Variants in TTN observed in about 807,000 individuals in gnomAD.
The protein encoded by TTN is titin, also known as connectin.
Under a neutral mutation model 3,223.0 loss-of-function variants are expected in TTN, and 1,525 were observed. The observed-to-expected ratio is 0.47, with a 90% CI of 0.45 to 0.49. The LOEUF is 0.49. Ranked by LOEUF, TTN falls within the 20% of genes least tolerant of loss-of-function variation. TTN has a pLI of 0.00. For synonymous variants in TTN, 14,094 were observed against 15,161.0 expected (o/e 0.93, Z 5.17); for missense variants, 40,786 against 43,424.0 (o/e 0.94, Z 5.40).
intron 47 of TTN, chr2:178,752,152 A>G (rs952118795): frequency 8.6e-6 from 8 of 930,782 alleles, no homozygotes; most frequent in Non-Finnish European, 1.1e-5. Flanking sequence ...GATCTCACAA[A>G]TCCATAGAAA....
chr2:178,552,623 G>A lies in TTN; in HGVS notation c.90277C>T (p.Leu30093Phe). The A allele has an allele frequency of 6.2e-7, 1 of 1,613,904 alleles. No homozygotes were observed. The highest frequency in any genetic ancestry group is 8.5e-7 in the Non-Finnish European group (1 of 1,179,836). ...AACTCCAGGACTGACTGCTCCTTAA[G>A]TTGGCTAACCTCAATTTCACATGTC... ...SKTCEIEVSQ[L>F]KEQSVLEFRV... The change falls in exon 335 of 363, where the codon CTT becomes TTT. Residue 30093 changes from leucine (L) to phenylalanine (F), a missense_variant. Coordinates refer to ENST00000589042, the MANE Select transcript of TTN (RefSeq NM_001267550.2).
Position 178,591,263 on chromosome 2 carries a change from G to C in TTN, c.60462C>G (p.Ser20154=), listed in dbSNP as rs371432689. ...RDTGEYQITV[S]NAAGSKTVAV... is the part of the protein sequence containing the mutation. ...CTACTGTTTTGCTACCGGCTGCATT[G>C]GAAACTGTGATTTGATATTCCCCAG... Residue 20154 remains serine, a synonymous_variant, in exon 304 of 363, where the codon TCC becomes TCG. Coordinates refer to ENST00000589042, the MANE Select transcript of TTN (RefSeq NM_001267550.2). 6.2e-6 allele frequency: 10 copies of C among 1,613,192 alleles called. No individual in the cohort carries two copies. The highest frequency in any genetic ancestry group is 8.5e-6 in the Non-Finnish European group (10 of 1,179,496).
intron 1 of TTN, among the ~76,000 whole-genome samples, chr2:178,805,948 T>A (rs942350716): frequency 6.6e-6 from 1 of 152,244 alleles, no homozygotes; most frequent in African/African-American, 2.4e-5. Flanking sequence ...AATTTTCTGA[T>A]GCATAAATAC....
At chr2:178,691,692 GT>G (rs1469166565) in intron 121 of TTN, among the ~76,000 whole-genome samples, 7 of 152,128 alleles carry the variant, frequency 4.6e-5, no homozygotes, top group Non-Finnish European at 8.8e-5. Flanking sequence ...AGGATGAAAG[GT>G]TTTTTCCTAG....
In TTN at chr2:178,665,763, A is replaced by C; in HGVS notation, c.35904T>G (p.Pro11968=). The C allele has an allele frequency of 7.7e-7, 1 of 1,301,968 alleles. No homozygotes were observed. Among genetic ancestry groups the C allele is most frequent in the African/African-American group, 1.5e-5 (1 of 66,580 alleles). 80.7% of individuals were successfully genotyped at this position (1,301,968 alleles called of 1,614,324 possible). Residue 11968 remains proline (P), a synonymous_variant, in exon 164 of 363, where the codon CCT becomes CCG. Coordinates refer to ENST00000589042, the MANE Select transcript of TTN (RefSeq NM_001267550.2). ...GAGCAGCCATGGGTGTTTCCTTTACAGGGACAATTTCTCGAGGTGATTCAG... is the reference window on the plus strand; with the variant it reads ...GAGCAGCCATGGGTGTTTCCTTTACCGGGACAATTTCTCGAGGTGATTCAG... ...TVPESPREIV[P]VKETPMAAPL...
chr2:178,774,841 A>G, intron 29 of TTN, 80 bp downstream of exon 29: 1 of 1,540,514 alleles, frequency 6.5e-7, no homozygotes, highest in Non-Finnish European at 8.9e-7. Context: ...ATGAAAGAAA[A>G]ATTGCATAGC....
Position 178,584,394 on chromosome 2 carries a change from A to G in TTN, c.65157T>C (p.Tyr21719=). ...ANDTLVRSTE[Y]PCAGLVEGLE... The stretch of plus-strand genomic sequence containing the variant: ...GACCTTCTACAAGGCCAGCACAAGG[A>G]TATTCAGTTGACCGGACAAGAGTAT... The change falls in exon 311 of 363, where the codon TAT becomes TAC. Residue 21719 remains tyrosine, a synonymous_variant. Coordinates refer to ENST00000589042, the MANE Select transcript of TTN (RefSeq NM_001267550.2). 6.2e-7 allele frequency: 1 copy of G among 1,613,356 alleles called. No homozygotes were observed. The highest frequency in any genetic ancestry group is 1.1e-5 in the South Asian group (1 of 91,050).
rs142498894 is a variant in TTN at position 178,721,403 on chromosome 2, T to G, written c.22817-201A>C. 2.8e-3 allele frequency among the ~76,000 whole-genome samples: 431 copies of G among 152,052 alleles called. 2 individuals carry two copies. The highest frequency in any genetic ancestry group is 9.8e-3 in the African/African-American group (408 of 41,542). On this transcript the variant is annotated intron_variant, in intron 78 of 362. Coordinates refer to ENST00000589042, the MANE Select transcript of TTN (RefSeq NM_001267550.2). ...CATTTTTTTTTTAGTTTTTTAAAATTTATTATTATTATACTTTAAGTTTTA... is the reference window on the plus strand; with the variant it reads ...CATTTTTTTTTTAGTTTTTTAAAATGTATTATTATTATACTTTAAGTTTTA...
In TTN at chr2:178,712,493, A is replaced by T. The variant is rs753291492; in HGVS notation, c.27429T>A (p.Val9143=). 1.2e-6 allele frequency: 2 copies of T among 1,613,804 alleles called. No homozygotes were observed. Among genetic ancestry groups the T allele is most frequent in the East Asian group, 2.2e-5 (1 of 44,866 alleles). The change falls in exon 95 of 363, where the codon GTT becomes GTA. Residue 9143 remains valine, a synonymous_variant. Transcript: ENST00000589042. The part of the protein sequence containing the change: ...GTFTGTPPIS[V]TWKKNGINVT... ...CATTTATGCCATTTTTCTTCCAGGT[A>T]ACCGAAATGGGAGGAGTTCCAGTGA...
rs1349893320 is a variant in TTN at position 178,568,172 on chromosome 2, G to A, written c.77960C>T (p.Pro25987Leu). ...ACCTGGAGGGCCTGGTTCTTTGTAG[G>A]GATATTGAGCTACAATTGGATCAGA... ...LESDPIVAQY[P>L]YKEPGPPGTP... The change falls in exon 326 of 363, where the codon CCC becomes CTC. Residue 25987 changes from proline to leucine, a missense_variant. By Grantham distance (98) the Pro-to-Leu change is moderately conservative (BLOSUM62 -3). Transcript: ENST00000589042. 1 of 1,613,414 alleles carries A rather than the reference G, an allele frequency of 6.2e-7. No individual in the cohort carries two copies. The highest frequency in any genetic ancestry group is 8.5e-7 in the Non-Finnish European group (1 of 1,179,566).
chr2:178,735,509 A>C lies in TTN; in HGVS notation c.14935+2T>G. 1.3e-6 allele frequency: 2 copies of C among 1,559,616 alleles called. No homozygotes were observed. The highest frequency in any genetic ancestry group is 1.3e-5 in the South Asian group (1 of 79,556). ...TAGAAAATACATTCACACGTTTCTT[A>C]CCTCTGACAGTGACTGTGGCTGAGC... On this transcript the variant is annotated splice_donor_variant, in intron 50 of 362. Transcript: ENST00000589042. LOFTEE classifies it high-confidence loss of function.
At position 178,557,239 on chromosome 2, in the gene TTN, T is replaced by C; in HGVS notation, c.88009+14A>G. 1 of 1,613,794 alleles carries C rather than the reference T, an allele frequency of 6.2e-7. No homozygotes were observed. The highest frequency in any genetic ancestry group is 2.2e-5 in the East Asian group (1 of 44,768). ...TTTGTTATCAGAACTGCCCTTCCCATGACAAATACGTACCACAAGCATCAA... is the reference window on the plus strand; with the variant it reads ...TTTGTTATCAGAACTGCCCTTCCCACGACAAATACGTACCACAAGCATCAA... On this transcript the variant is annotated intron_variant, in intron 329 of 362. Transcript: ENST00000589042.
intron 47 of TTN, chr2:178,746,579 G>A (rs749854145): frequency 6.2e-7 from 1 of 1,613,114 alleles, no homozygotes; most frequent in South Asian, 1.1e-5. Context: ...TTCTTCCTGG[G>A]GCATTATGTC....
chr2:178,724,219 G>C, intron 72 of TTN, 41 bp downstream of exon 72: 1 of 1,586,196 alleles, frequency 6.3e-7, no homozygotes, highest in Non-Finnish European at 8.6e-7. Flanking sequence ...ACTTGTAAAA[G>C]GAATTTGCAT....
intron 215 of TTN, 59 bp from the exon 216 acceptor site, chr2:178,646,618 C>T: frequency 9.9e-7 from 1 of 1,006,424 alleles, no homozygotes; most frequent in South Asian, 1.5e-5. Flanking sequence ...CAAAAAGACT[C>T]ATACAAATTT....
chr2:178,739,142 T>G lies in TTN; in HGVS notation c.14091A>C (p.Arg4697Ser). 6.7e-7 allele frequency: 1 copy of G among 1,503,192 alleles called. No individual in the cohort carries two copies. Among genetic ancestry groups the G allele is most frequent in the Non-Finnish European group, 8.9e-7 (1 of 1,127,594 alleles). The allele number at this position is 1,503,192 out of a possible 1,614,324, so 93.1% of individuals were successfully genotyped here. Residue 4697 changes from arginine to serine, a missense_variant and splice_region_variant, in exon 48 of 363, where the codon AGA becomes AGC. Coordinates refer to ENST00000589042, the MANE Select transcript of TTN (RefSeq NM_001267550.2). ...ATSAKLTVVK[R>S]AAPVIKRKIE... is the part of the protein sequence containing the mutation. ...TCTATTTTATCCTTAAAATCCAACC[T>G]CTTTTTACTACAGTGAGTTTGGCTG...
chr2:178,775,227 A>G (rs2092082537), intron 28 of TTN, 25 bp from the exon 29 acceptor site: 3 of 1,613,326 alleles, frequency 1.9e-6, no homozygotes, highest in Non-Finnish European at 2.5e-6. Context: ...TGGGGGAAAA[A>G]GGGGAGAGCA....
intron 109 of TTN, 74 bp from the exon 110 acceptor site, chr2:178,701,661 T>C: frequency 7.0e-7 from 1 of 1,423,852 alleles, no homozygotes; most frequent in Non-Finnish European, 9.9e-7. Context: ...GTGTGTTTGA[T>C]TTATTAGATC....
At chr2:178,800,277 A>G (rs540987377) in intron 4 of TTN, 118 bp downstream of exon 4, 3 of 1,374,288 alleles carry the variant, frequency 2.2e-6, no homozygotes, top group East Asian at 2.3e-5. Flanking sequence ...GCCAGCTTTT[A>G]TATCAGCTCA....
Sources: allele counts gnomAD v4.1 joint callset (sites outside exome capture counted in the v4.1 genomes callset), GRCh38; gene constraint gnomAD v4.1.1; transcripts MANE v1.5; gene names NCBI Gene and HGNC (gene_info 2026-07-23, HGNC 2026-07-21).